Variants in FBXO15 observed in about 807,000 individuals in gnomAD.
FBXO15 encodes the protein F-box only protein 15.
In FBXO15, 30 loss-of-function variants were observed where a neutral mutation model predicts 49.5. The ratio of observed to expected loss-of-function variants is 0.61; its 90% CI spans 0.45 to 0.82. The LOEUF is 0.82. Ranked by LOEUF, FBXO15 falls within the 40% of genes least tolerant of loss-of-function variation. The pLI is 0.00. For missense variants in FBXO15, 591 were observed against 631.5 expected (o/e 0.94, Z 0.69); for synonymous variants, 250 against 232.7 (o/e 1.07, Z -0.68).
chr18:74,125,411 G>A (rs575000744), intron 6 of FBXO15, among the ~76,000 whole-genome samples: 30 of 152,292 alleles, frequency 2.0e-4, no homozygotes, highest in South Asian at 8.3e-4. Flanking sequence ...AATGCATAAC[G>A]CCAACTCAGA....
chr18:74,113,871 G>A (rs1200870671), intron 8 of FBXO15, among the ~76,000 whole-genome samples: 1 of 152,142 alleles, frequency 6.6e-6, no homozygotes, highest in Non-Finnish European at 1.5e-5. Context: ...AGACACAACT[G>A]GACTATTTCC....
rs1340351609 is a variant in FBXO15, at chr18:74,135,757, C to T, written c.332+5G>A. 1 of 1,594,328 alleles carries T rather than the reference C, an allele frequency of 6.3e-7. No individual in the cohort carries two copies. Among genetic ancestry groups the T allele is most frequent in the Admixed American group, 1.8e-5 (1 of 55,176 alleles). Reference sequence around the variant, plus strand: ...AACATAACAGAGACTTGGATTTCTGCTTACTTGTCATTGGCTAGATGATAA... The same window carrying T: ...AACATAACAGAGACTTGGATTTCTGTTTACTTGTCATTGGCTAGATGATAA... On this transcript the variant is annotated splice_donor_5th_base_variant and intron_variant, in intron 3 of 9. Coordinates refer to ENST00000419743, the MANE Select transcript of FBXO15 (RefSeq NM_001142958.2).
chr18:74,096,516 C>T (rs1252734748), intron 8 of FBXO15, among the ~76,000 whole-genome samples: 4 of 149,586 alleles, frequency 2.7e-5, no homozygotes, highest in African/African-American at 7.4e-5. Flanking sequence ...TAAGCAAATA[C>T]ATCCCATAAA....
intron 1 of FBXO15, among the ~76,000 whole-genome samples, chr18:74,144,089 T>C (rs993958304): frequency 3.6e-4 from 55 of 152,248 alleles, no homozygotes; most frequent in Non-Finnish European, 2.9e-5. Flanking sequence ...GCAGGTTATA[T>C]CAGTATATAC....
chr18:74,138,262 T>A (rs947657493), intron 2 of FBXO15, among the ~76,000 whole-genome samples: 2 of 152,184 alleles, frequency 1.3e-5, no homozygotes, highest in Non-Finnish European at 2.9e-5. Context: ...TAATTTTTGC[T>A]TTCTACATTC....
intron 1 of FBXO15, among the ~76,000 whole-genome samples, chr18:74,141,773 T>A (rs1979092071): frequency 6.6e-6 from 1 of 152,136 alleles, no homozygotes; most frequent in Non-Finnish European, 1.5e-5. Flanking sequence ...GCTGGCCAGG[T>A]GACAGTGTAG....
Position 74,130,628 on chromosome 18 carries a change from A to T in FBXO15, c.363T>A (p.Ala121=), listed in dbSNP as rs769388651. 2 of 1,613,966 alleles carry T rather than the reference A, an allele frequency of 1.2e-6. No homozygotes were observed. The highest frequency in any genetic ancestry group is 1.7e-6 in the Non-Finnish European group (2 of 1,179,920). ...NFIWIGIYST[A]FSPARSNWKF... is the part of the protein sequence containing the mutation. The stretch of plus-strand genomic sequence containing the variant: ...TCCAATTTGATCTTGCAGGTGAAAA[A>T]GCAGTTGAGTAGATTCCGATCCAAA... The change falls in exon 4 of 10, where the codon GCT becomes GCA. Residue 121 remains alanine (A), a synonymous_variant. Coordinates refer to ENST00000419743, the MANE Select transcript of FBXO15 (RefSeq NM_001142958.2).
At chr18:74,121,976 G>A (rs1057057527) in intron 8 of FBXO15, among the ~76,000 whole-genome samples, 8 of 152,138 alleles carry the variant, frequency 5.3e-5, no homozygotes, top group Non-Finnish European at 7.3e-5. Context: ...GAAATCAGTC[G>A]GAACCAATAT....
intron 8 of FBXO15, among the ~76,000 whole-genome samples, chr18:74,122,354 AC>A (rs1914511732): frequency 6.6e-6 from 1 of 152,242 alleles, no homozygotes; most frequent in Non-Finnish European, 1.5e-5. Context: ...GTGCTCTGTA[AC>A]ATCAATTTCT....
intron 2 of FBXO15, among the ~76,000 whole-genome samples, chr18:74,138,056 C>T (rs1023478365): frequency 6.6e-6 from 1 of 152,118 alleles, no homozygotes; most frequent in Non-Finnish European, 1.5e-5. Flanking sequence ...CCTCCCTCTT[C>T]CACACTGTTC....
intron 1 of FBXO15, among the ~76,000 whole-genome samples, chr18:74,142,075 A>C (rs1331298735): frequency 1.3e-5 from 2 of 152,196 alleles, no homozygotes; most frequent in Non-Finnish European, 2.9e-5. Flanking sequence ...ACCGAGGAAA[A>C]AAAAATGCTG....
chr18:74,088,635 G>A (rs1912861421), intron 8 of FBXO15, among the ~76,000 whole-genome samples: 1 of 152,144 alleles, frequency 6.6e-6, no homozygotes, highest in Non-Finnish European at 1.5e-5. Flanking sequence ...GTCAGGAAAT[G>A]TGATGCCTCC....
intron 1 of FBXO15, among the ~76,000 whole-genome samples, chr18:74,146,573 T>A (rs1027290907): frequency 6.6e-6 from 1 of 152,254 alleles, no homozygotes; most frequent in African/African-American, 2.4e-5. Context: ...CTATTTAAAT[T>A]CCTGCTTTTT....
chr18:74,123,158 T>C (rs921219933), intron 8 of FBXO15: 1 of 466,120 alleles, frequency 2.1e-6, no homozygotes, highest in Non-Finnish European at 3.7e-6. Flanking sequence ...TTGAGAGTGA[T>C]GGTGGTGAAG....
chr18:74,099,488 A>C (rs1210559922), intron 8 of FBXO15: 1 of 152,310 alleles, frequency 6.6e-6, no homozygotes, highest in East Asian at 1.9e-4. Context: ...CATAAATCTC[A>C]CAGGACCTAT....
At chr18:74,104,956 T>C (rs752327576) in intron 8 of FBXO15, among the ~76,000 whole-genome samples, 2 of 152,186 alleles carry the variant, frequency 1.3e-5, no homozygotes, top group Non-Finnish European at 2.9e-5. Flanking sequence ...ATGTGAAATA[T>C]ATACAAAATT....
intron 6 of FBXO15, among the ~76,000 whole-genome samples, 160 bp from the exon 7 acceptor site, chr18:74,124,731 T>G (rs1914632164): frequency 6.6e-6 from 1 of 152,220 alleles, no homozygotes; most frequent in African/African-American, 2.4e-5. Flanking sequence ...GCTAATATGT[T>G]ACTACTATCT....
At chr18:74,089,649 A>G (rs1008711151) in intron 8 of FBXO15, among the ~76,000 whole-genome samples, 4 of 152,164 alleles carry the variant, frequency 2.6e-5, no homozygotes, top group Non-Finnish European at 5.9e-5. Flanking sequence ...ATTTTATCAA[A>G]AGCTTTTTCT....
chr18:74,089,208 T>C (rs1012173794), intron 8 of FBXO15, among the ~76,000 whole-genome samples: 3 of 152,184 alleles, frequency 2.0e-5, no homozygotes, highest in Non-Finnish European at 4.4e-5. Context: ...CAATTGTGAA[T>C]GTGAATGTGT....
Sources: gnomAD v4.1 joint callset for allele counts (sites outside exome capture counted in the v4.1 genomes callset) on GRCh38, gnomAD v4.1.1 for gene constraint, MANE v1.5 for transcripts, NCBI Gene and HGNC (gene_info 2026-07-23, HGNC 2026-07-21) for gene names.